The following TBRG1 variants were observed in gnomAD, a reference collection of about 807,000 sequenced individuals.
TBRG1 encodes transforming growth factor beta regulator 1.
A neutral mutation model predicts 44.0 loss-of-function variants in TBRG1; 31 were observed. The observed-to-expected ratio is 0.70, with a 90% CI of 0.53 to 0.95. The LOEUF (loss-of-function observed/expected upper bound fraction) is 0.95, where lower values mean the gene tolerates loss of function less well. TBRG1 is among the 40% of genes least tolerant of loss of function. The pLI, the probability that TBRG1 is intolerant of heterozygous loss-of-function variation, is 0.00. For missense variants in TBRG1, 487 were observed against 496.1 expected (o/e 0.98, Z 0.18); for synonymous variants, 171 against 188.1 (o/e 0.91, Z 0.74).
Position 124,635,112 on chromosome 11 carries a change from T to TA in TBRG1, c.*2875dup, listed in dbSNP as rs1304198341. 1.3e-5 allele frequency: 2 copies of TA among 152,212 alleles called. No individual in the cohort carries two copies. The highest frequency in any genetic ancestry group is 2.9e-5 in the Non-Finnish European group (2 of 68,038). The allele number at this position is 152,212 out of a possible 1,614,324, so 9.4% of individuals were successfully genotyped here. Reference sequence around the variant, plus strand: ...CCTGGAGGTGAAAGGAATCTGGACTTAGAGTTCTTGGCTACCTCTGGCTGC... The same window carrying TA: ...CCTGGAGGTGAAAGGAATCTGGACTTAAGAGTTCTTGGCTACCTCTGGCTGC... On this transcript the variant is annotated 3_prime_UTR_variant, in exon 9 of 9. Coordinates refer to ENST00000441174, the MANE Select transcript of TBRG1 (RefSeq NM_032811.3).
In TBRG1 at chr11:124,622,887, G is replaced by C; in HGVS notation, c.-197G>C. On this transcript the variant is annotated 5_prime_UTR_variant, in exon 1 of 9. Transcript: ENST00000441174. ...TTACTTCCAAGACAGACACGGAAGT[G>C]CTGGGAGGCGCCGGGAGCCCGTTCG... is the stretch of plus-strand genomic sequence containing the variant. 1.7e-6 allele frequency: 1 copy of C among 583,576 alleles called. No individual in the cohort carries two copies. Among genetic ancestry groups the C allele is most frequent in the East Asian group, 3.0e-5 (1 of 33,500 alleles). 36.1% of individuals were successfully genotyped at this position (583,576 alleles called of 1,614,324 possible).
chr11:124,628,222 A>C (rs927308344), intron 5 of TBRG1, among the ~76,000 whole-genome samples: 1 of 149,194 alleles, frequency 6.7e-6, no homozygotes, highest in Non-Finnish European at 1.5e-5. Flanking sequence ...ATACATGTCA[A>C]TATGACTTTT....
In TBRG1 at chr11:124,633,348, C is replaced by T. The variant is rs1942652783; in HGVS notation, c.*1110C>T. ...ATTAAGGTAGAGGTTTACTCTATCA[C>T]CTAACACCTCAACACTACCTGTGGG... is the stretch of plus-strand genomic sequence containing the variant. On this transcript the variant is annotated 3_prime_UTR_variant, in exon 9 of 9. Coordinates refer to ENST00000441174, the MANE Select transcript of TBRG1 (RefSeq NM_032811.3). The T allele has an allele frequency of 1.3e-5, 2 of 152,178 alleles. No homozygotes were observed. The highest frequency in any genetic ancestry group is 2.9e-5 in the Non-Finnish European group (2 of 68,042). 9.4% of individuals were successfully genotyped at this position (152,178 alleles called of 1,614,324 possible). A position where few individuals can be genotyped will look rare whatever the true frequency, so the allele number is the denominator to read the frequency against.
At chr11:124,625,066 G>A (rs1344184244) in intron 2 of TBRG1, 65 bp downstream of exon 2, 14 of 1,152,628 alleles carry the variant, frequency 1.2e-5, no homozygotes, top group Admixed American at 2.2e-5. Context: ...ATTGATAATG[G>A]TGTTACTGCT....
intron 5 of TBRG1, 78 bp downstream of exon 5, chr11:124,627,128 C>G (rs1365014310): frequency 9.6e-7 from 1 of 1,039,058 alleles, no homozygotes; most frequent in Non-Finnish European, 1.5e-6. Flanking sequence ...GTTCTGATAC[C>G]TTACAAGGTA....
chr11:124,627,058 C>A lies in TBRG1; in HGVS notation c.738+8C>A. ...GGTGGTGTGCAGCCTCAGGTACCCC[C>A]TCTAATAATAACCACTGTTTGTCTT... On this transcript the variant is annotated splice_region_variant and intron_variant, in intron 5 of 8. Coordinates refer to ENST00000441174, the MANE Select transcript of TBRG1 (RefSeq NM_032811.3). 1.3e-6 allele frequency: 2 copies of A among 1,513,502 alleles called. No homozygotes were observed. Among genetic ancestry groups the A allele is most frequent in the Non-Finnish European group, 9.0e-7 (1 of 1,112,136 alleles). The allele number at this position is 1,513,502 out of a possible 1,614,324, so 93.8% of individuals were successfully genotyped here. A position where few individuals can be genotyped will look rare whatever the true frequency, so the allele number is the denominator to read the frequency against.
chr11:124,626,699 C>T (rs780427463), intron 4 of TBRG1, 90 bp downstream of exon 4: 1 of 1,491,224 alleles, frequency 6.7e-7, no homozygotes, highest in South Asian at 1.2e-5. Context: ...TTAGCAGCAG[C>T]CTCTTGCTGA....
intron 2 of TBRG1, 140 bp from the exon 3 acceptor site, chr11:124,625,531 A>T (rs1373871144): frequency 1.4e-6 from 1 of 719,350 alleles, no homozygotes; most frequent in Middle Eastern, 3.7e-4. Flanking sequence ...TTTATGATTC[A>T]TAGGGCCTAA....
At chr11:124,628,116 T>TACACAC (rs368617758) in intron 5 of TBRG1, among the ~76,000 whole-genome samples, 38 of 41,942 alleles carry the variant, frequency 9.1e-4, no homozygotes, top group East Asian at 1.5e-3. Context: ...TATATATATA[T>TACACAC]ACACACACAC....
chr11:124,630,121 T>G, intron 5 of TBRG1: 1 of 339,418 alleles, frequency 2.9e-6, no homozygotes, highest in Non-Finnish European at 5.7e-6. Flanking sequence ...TATAAATAAG[T>G]GGATTGGAAA....
At chr11:124,627,103 G>A (rs761285975) in intron 5 of TBRG1, 53 bp downstream of exon 5, 204 of 1,203,786 alleles carry the variant, frequency 1.7e-4, no homozygotes, top group Admixed American at 2.4e-4. Flanking sequence ...CTCTGTGCTA[G>A]GATATGTATT....
At position 124,630,666 on chromosome 11, in the gene TBRG1, T is replaced by G. The variant is rs79414234; in HGVS notation, c.837-79T>G. 2,694 of 1,135,996 alleles carry G rather than the reference T, an allele frequency of 2.4e-3. 44 individuals are homozygous for G. The African/African-American group carries it at 0.035, about 15-fold the overall frequency. The allele number at this position is 1,135,996 out of a possible 1,614,324, so 70.4% of individuals were successfully genotyped here. A position where few individuals can be genotyped will look rare whatever the true frequency, so the allele number is the denominator to read the frequency against. ...AGTCAAGAAAGCTTATCCTGTTTGT[T>G]CATACCACTATTCTGTTCTTAAATC... On this transcript the variant is annotated intron_variant, in intron 6 of 8. Transcript: ENST00000441174.
chr11:124,626,449 G>A, intron 3 of TBRG1, 24 bp from the exon 4 acceptor site: 1 of 1,509,494 alleles, frequency 6.6e-7, no homozygotes, highest in Non-Finnish European at 8.9e-7. Context: ...GCCTAAAGTG[G>A]GTGACCCCAG....
At chr11:124,630,222 G>A in intron 5 of TBRG1, 166 bp from the exon 6 acceptor site, 1 of 600,156 alleles carries the variant, frequency 1.7e-6, no homozygotes, top group Non-Finnish European at 3.1e-6. Flanking sequence ...CTAGGTACTT[G>A]GATTTGTTTC....
Position 124,630,406 on chromosome 11 carries a change from G to T in TBRG1, c.757G>T (p.Asp253Tyr), listed in dbSNP as rs1942582254. 1 of 1,613,482 alleles carries T rather than the reference G, an allele frequency of 6.2e-7. No homozygotes were observed. The highest frequency in any genetic ancestry group is 8.5e-7 in the Non-Finnish European group (1 of 1,179,476). Residue 253 changes from aspartate to tyrosine, a missense_variant, in exon 6 of 9, where the codon GAT becomes TAT. Coordinates refer to ENST00000441174, the MANE Select transcript of TBRG1 (RefSeq NM_032811.3). ...VQPQFEIVPE[D>Y]DPQNAIVSSS... is the part of the protein sequence containing the mutation. ...TTCTCAGTTTGAAATTGTTCCTGAA[G>T]ATGACCCCCAGAATGCCATTGTCAG... is the stretch of plus-strand genomic sequence containing the variant.
At chr11:124,627,130 T>C in intron 5 of TBRG1, 80 bp downstream of exon 5, 1 of 1,019,950 alleles carries the variant, frequency 9.8e-7, no homozygotes, top group South Asian at 1.4e-5. Context: ...TCTGATACCT[T>C]ACAAGGTAGA....
chr11:124,629,771 G>A (rs1409321217), intron 5 of TBRG1, among the ~76,000 whole-genome samples: 1 of 152,134 alleles, frequency 6.6e-6, no homozygotes, highest in Non-Finnish European at 1.5e-5. Context: ...TAATTTAATT[G>A]GCTAGATAGA....
At chr11:124,626,637 G>A in intron 4 of TBRG1, 28 bp downstream of exon 4, 5 of 1,551,002 alleles carry the variant, frequency 3.2e-6, no homozygotes, top group Non-Finnish European at 4.4e-6. Context: ...TATATAGAGA[G>A]GAGAATCAGG....
chr11:124,628,043 C>A (rs1942509273), intron 5 of TBRG1, among the ~76,000 whole-genome samples: 1 of 127,036 alleles, frequency 7.9e-6, no homozygotes, highest in African/African-American at 2.8e-5. Flanking sequence ...AATTTTGTTC[C>A]AACTAACGTC....
Sources: gnomAD v4.1 joint callset for allele counts (sites outside exome capture counted in the v4.1 genomes callset) on GRCh38, gnomAD v4.1.1 for gene constraint, MANE v1.5 for transcripts, NCBI Gene and HGNC (gene_info 2026-07-23, HGNC 2026-07-21) for gene names.